TAFA5: variants seen among roughly 807,000 people sequenced by gnomAD.
TAFA5 encodes chemokine-like protein TAFA-5.
Under a neutral mutation model 15.3 loss-of-function variants are expected in TAFA5, and 6 were observed. The observed-to-expected ratio is 0.39, with a 90% confidence interval of 0.21 to 0.77. TAFA5 has a LOEUF of 0.77. Ranked by LOEUF, TAFA5 falls within the 30% of genes least tolerant of loss-of-function variation. The pLI is 0.41. For missense variants in TAFA5, 161 were observed against 193.1 expected (o/e 0.83, Z 0.98); for synonymous variants, 103 against 80.7 (o/e 1.28, Z -1.48).
At chr22:48,682,201 C>A (rs1451611900) in intron 2 of TAFA5, among the ~76,000 whole-genome samples, 1 of 152,146 alleles carries the variant, frequency 6.6e-6, no homozygotes, top group African/African-American at 2.4e-5. Context: ...CAGCAGCTGG[C>A]AGGAATGCCA....
chr22:48,501,095 C>G (rs532685339), intron 1 of TAFA5, among the ~76,000 whole-genome samples: 1 of 152,336 alleles, frequency 6.6e-6, no homozygotes, highest in African/African-American at 2.4e-5. Flanking sequence ...CCCCCGCCAC[C>G]AGACATTCTG....
At chr22:48,594,133 A>G (rs1485312656) in intron 1 of TAFA5, among the ~76,000 whole-genome samples, 1 of 151,728 alleles carries the variant, frequency 6.6e-6, no homozygotes, top group Non-Finnish European at 1.5e-5. Context: ...CTGTGTTTGC[A>G]CTCTTTCTCT....
chr22:48,492,890 T>A (rs546365886), intron 1 of TAFA5, among the ~76,000 whole-genome samples: 1 of 152,076 alleles, frequency 6.6e-6, no homozygotes, highest in East Asian at 1.9e-4. Context: ...TTAAAAAGAG[T>A]TGATATAGGT....
At chr22:48,587,862 C>T (rs1358393558) in intron 1 of TAFA5, among the ~76,000 whole-genome samples, 2 of 152,278 alleles carry the variant, frequency 1.3e-5, no homozygotes, top group East Asian at 1.9e-4. Flanking sequence ...CACGCAGAGG[C>T]GGCCTTCTGC....
At chr22:48,615,694 C>T (rs188341345) in intron 1 of TAFA5, among the ~76,000 whole-genome samples, 184 of 152,324 alleles carry the variant, frequency 1.2e-3, no homozygotes, top group African/African-American at 4.1e-3. Flanking sequence ...TCCTGGCCCC[C>T]GCCCCCATCC....
At chr22:48,576,285 G>GCTCCC (rs1454331283) in intron 1 of TAFA5, 3 of 487,244 alleles carry the variant, frequency 6.2e-6, no homozygotes, top group African/African-American at 4.2e-5. Context: ...CCCCCCGCCC[G>GCTCCC]CTCCCCTCCC....
chr22:48,502,773 C>T (rs746200704), intron 1 of TAFA5, among the ~76,000 whole-genome samples: 6 of 152,180 alleles, frequency 3.9e-5, no homozygotes, highest in Non-Finnish European at 7.3e-5. Flanking sequence ...CCGCCCCCCT[C>T]GGTCTCCCAA....
chr22:48,587,748 G>A (rs1405673995), intron 1 of TAFA5, among the ~76,000 whole-genome samples: 2 of 152,218 alleles, frequency 1.3e-5, no homozygotes, highest in Non-Finnish European at 2.9e-5. Context: ...CCAGCCACCC[G>A]CGTGAGCATG....
In TAFA5 at chr22:48,584,913, C is replaced by CCACA. The variant is rs564024414; in HGVS notation, c.113-61671_113-61668dup. Among the ~76,000 whole-genome samples, 171 of 147,148 alleles carry CCACA rather than the reference C, an allele frequency of 1.2e-3. 1 individual carries two copies. The highest frequency in any genetic ancestry group is 4.1e-3 in the African/African-American group (165 of 40,088). On this transcript the variant is annotated intron_variant, in intron 1 of 3. Coordinates refer to ENST00000402357, the MANE Select transcript of TAFA5 (RefSeq NM_001082967.3). ...ACAAAATACATCTCACACACACACA[C>CCACA]CACACACACACACACAAAATACACT... is the stretch of plus-strand genomic sequence containing the variant.
chr22:48,582,206 C>T lies in TAFA5; in HGVS notation c.113-64391C>T, dbSNP rs892731846. Among the ~76,000 whole-genome samples the T allele has an allele frequency of 3.9e-5, 6 of 151,988 alleles. 1 individual carries two copies. The South Asian group carries it at 8.3e-4, about 21-fold the overall frequency. On this transcript the variant is annotated intron_variant, in intron 1 of 3. Coordinates refer to ENST00000402357, the MANE Select transcript of TAFA5 (RefSeq NM_001082967.3). ...CAACAGAGACACACCACACACTACA[C>T]GATGCACACACCCACACCACACAAA...
chr22:48,746,664 C>T (rs1395083983), intron 3 of TAFA5, among the ~76,000 whole-genome samples: 5 of 152,140 alleles, frequency 3.3e-5, no homozygotes, highest in African/African-American at 7.2e-5. Context: ...CTGCAGCATT[C>T]GGACCCGGGA....
At chr22:48,683,851 C>T (rs1433952598) in intron 2 of TAFA5, among the ~76,000 whole-genome samples, 3 of 152,108 alleles carry the variant, frequency 2.0e-5, no homozygotes, top group South Asian at 2.1e-4. Context: ...TGAGTTCTCA[C>T]GAGATCTGAT....
At chr22:48,543,132 G>T (rs561039603) in intron 1 of TAFA5, among the ~76,000 whole-genome samples, 2 of 151,966 alleles carry the variant, frequency 1.3e-5, no homozygotes, top group East Asian at 3.9e-4. Flanking sequence ...GTCCTCCCCT[G>T]GCATCTGCGT....
intron 1 of TAFA5, among the ~76,000 whole-genome samples, chr22:48,612,747 C>T (rs543878267): frequency 3.2e-4 from 48 of 152,316 alleles, no homozygotes; most frequent in African/African-American, 1.1e-3. Flanking sequence ...TCCTGGGCAA[C>T]CCTGCCACCT....
At chr22:48,633,754 G>A (rs965175563) in intron 1 of TAFA5, among the ~76,000 whole-genome samples, 3 of 152,166 alleles carry the variant, frequency 2.0e-5, no homozygotes, top group African/African-American at 7.2e-5. Flanking sequence ...ATGACTTGTG[G>A]AAAGTTACAT....
intron 1 of TAFA5, among the ~76,000 whole-genome samples, chr22:48,646,389 T>G (rs1182868381): frequency 2.0e-5 from 3 of 152,088 alleles, no homozygotes; most frequent in Non-Finnish European, 4.4e-5. Context: ...AGGGTGGAGT[T>G]CGCCGACTTG....
At chr22:48,580,352 CAG>C (rs1218775840) in intron 1 of TAFA5, among the ~76,000 whole-genome samples, 26 of 152,340 alleles carry the variant, frequency 1.7e-4, no homozygotes, top group East Asian at 9.6e-4. Context: ...GCAGCCAATG[CAG>C]AGTGTTCGTC....
At chr22:48,587,972 G>A (rs1924423089) in intron 1 of TAFA5, among the ~76,000 whole-genome samples, 1 of 152,182 alleles carries the variant, frequency 6.6e-6, no homozygotes, top group Non-Finnish European at 1.5e-5. Flanking sequence ...CGGGCTCCTT[G>A]TTCCTGCCCA....
chr22:48,569,421 G>A (rs1209028470), intron 1 of TAFA5, among the ~76,000 whole-genome samples: 2 of 152,132 alleles, frequency 1.3e-5, no homozygotes, highest in Admixed American at 6.5e-5. Flanking sequence ...GGGTCTGGGC[G>A]CCTTGCTGTT....
Sources: allele counts gnomAD v4.1 joint callset (sites outside exome capture counted in the v4.1 genomes callset), GRCh38; gene constraint gnomAD v4.1.1; transcripts MANE v1.5; gene names NCBI Gene and HGNC (gene_info 2026-07-23, HGNC 2026-07-21).